Variants in TMEM132D observed in about 807,000 individuals in gnomAD.
TMEM132D encodes the protein transmembrane protein 132D, also known as mature OL transmembrane protein.
Under a neutral mutation model 62.3 loss-of-function variants are expected in TMEM132D, and 21 were observed. The ratio of observed to expected loss-of-function variants is 0.34; its 90% confidence interval spans 0.24 to 0.49. The LOEUF (loss-of-function observed/expected upper bound fraction) is 0.49, where lower values mean the gene tolerates loss of function less well. TMEM132D is among the 20% of genes least tolerant of loss of function. The probability of loss-of-function intolerance (pLI) is 0.99; values close to 1 mark genes in which losing one functional copy is unlikely to be tolerated. For synonymous variants in TMEM132D, 621 were observed against 575.6 expected (o/e 1.08, Z -1.13); for missense variants, 1,346 against 1,402.8 (o/e 0.96, Z 0.65).
chr12:129,718,493 T>G (rs1458114105), intron 1 of TMEM132D, among the ~76,000 whole-genome samples: 1 of 152,256 alleles, frequency 6.6e-6, no homozygotes, highest in African/African-American at 2.4e-5. Flanking sequence ...CTTATTTTAT[T>G]CTTTCTGATG....
chr12:129,873,250 A>G (rs1484013726), intron 1 of TMEM132D, among the ~76,000 whole-genome samples: 1 of 152,130 alleles, frequency 6.6e-6, no homozygotes, highest in East Asian at 1.9e-4. Context: ...ATGCTCTAAG[A>G]TCTGATAGAA....
intron 3 of TMEM132D, among the ~76,000 whole-genome samples, chr12:129,410,349 TTTTG>T (rs59366781): frequency 4.0e-4 from 60 of 150,502 alleles, no homozygotes; most frequent in East Asian, 7.8e-4. Flanking sequence ...GAAAAAAAGG[TTTTG>T]TTTGTTTGTT....
chr12:129,673,909 C>T (rs1880566848), intron 2 of TMEM132D, among the ~76,000 whole-genome samples: 1 of 152,032 alleles, frequency 6.6e-6, no homozygotes, highest in South Asian at 2.1e-4. Context: ...GTGGGTTTTG[C>T]CCCTTTTCCA....
intron 3 of TMEM132D, among the ~76,000 whole-genome samples, chr12:129,405,322 C>T (rs3996443): frequency 0.73 from 110,375 of 151,788 alleles, 40,269 homozygotes; most frequent in East Asian, 0.88. Context: ...AATCTCATCA[C>T]GGGGCTCTAC....
chr12:129,450,721 A>G (rs1192018489), intron 3 of TMEM132D, among the ~76,000 whole-genome samples: 1 of 147,798 alleles, frequency 6.8e-6, no homozygotes, highest in African/African-American at 2.5e-5. Flanking sequence ...CCAGAAGGTC[A>G]TTTCAGCAAC....
chr12:129,215,852 C>A (rs959300633), intron 4 of TMEM132D, among the ~76,000 whole-genome samples: 2 of 152,020 alleles, frequency 1.3e-5, no homozygotes, highest in African/African-American at 2.4e-5. Flanking sequence ...TGGCGTGGGG[C>A]AAAGAGAGAA....
intron 4 of TMEM132D, among the ~76,000 whole-genome samples, chr12:129,272,835 C>T (rs1880891261): frequency 6.6e-6 from 1 of 151,400 alleles, no homozygotes; most frequent in Admixed American, 6.6e-5. Flanking sequence ...CCAAGATGGG[C>T]AGGTCATCTA....
At chr12:129,640,533 G>T (rs977198106) in intron 2 of TMEM132D, among the ~76,000 whole-genome samples, 3 of 152,138 alleles carry the variant, frequency 2.0e-5, no homozygotes, top group Admixed American at 1.3e-4. Context: ...GAGCTATTGG[G>T]GAAAGAACCA....
intron 5 of TMEM132D, among the ~76,000 whole-genome samples, chr12:129,088,326 C>T (rs1275611482): frequency 4.5e-5 from 2 of 44,550 alleles, no homozygotes; most frequent in Admixed American, 4.7e-4. Flanking sequence ...CCTCCCTGAC[C>T]GGGGTGTCCT....
intron 1 of TMEM132D, among the ~76,000 whole-genome samples, chr12:129,879,320 G>A (rs1182344303): frequency 6.6e-6 from 1 of 152,212 alleles, no homozygotes; most frequent in Non-Finnish European, 1.5e-5. Context: ...GAATCTCTGG[G>A]TCTGCTGGCT....
intron 1 of TMEM132D, among the ~76,000 whole-genome samples, chr12:129,829,619 C>A (rs1394304368): frequency 1.3e-5 from 2 of 152,096 alleles, no homozygotes; most frequent in African/African-American, 4.8e-5. Context: ...GTCACCTTAG[C>A]CCCGTGTTTT....
intron 3 of TMEM132D, among the ~76,000 whole-genome samples, chr12:129,418,561 TG>T: frequency 6.6e-6 from 1 of 151,376 alleles, no homozygotes; most frequent in Non-Finnish European, 1.5e-5. Flanking sequence ...GGCCTGTTGG[TG>T]GGTGGGGGAC....
chr12:129,896,142 TTTG>T (rs1320793938), intron 1 of TMEM132D, among the ~76,000 whole-genome samples: 2 of 78,980 alleles, frequency 2.5e-5, no homozygotes, highest in East Asian at 3.8e-4. Context: ...GCTCATTTTT[TTTG>T]TTTTGTTTTG....
chr12:129,435,173 T>C (rs911046123), intron 3 of TMEM132D, among the ~76,000 whole-genome samples: 1 of 152,230 alleles, frequency 6.6e-6, no homozygotes, highest in African/African-American at 2.4e-5. Flanking sequence ...TGGACTAGCA[T>C]TCCATTGTGT....
chr12:129,525,293 G>GA (rs1387790669), intron 3 of TMEM132D, among the ~76,000 whole-genome samples: 1 of 109,118 alleles, frequency 9.2e-6, no homozygotes, highest in Non-Finnish European at 1.7e-5. Context: ...TAGTAGTTCT[G>GA]AAAACAACAT....
chr12:129,664,220 G>A (rs2123076), intron 2 of TMEM132D, among the ~76,000 whole-genome samples: 36,683 of 152,072 alleles, frequency 0.24, 4,856 homozygotes, highest in African/African-American at 0.34. Context: ...GCCCTCCTTG[G>A]AAGGGCAGCC....
At chr12:129,610,148 G>A (rs998634603) in intron 2 of TMEM132D, among the ~76,000 whole-genome samples, 2 of 152,118 alleles carry the variant, frequency 1.3e-5, no homozygotes, top group East Asian at 1.9e-4. Context: ...GTGGGTGCCT[G>A]TAATCCCAGC....
At chr12:129,785,642 C>G (rs1593160765) in intron 1 of TMEM132D, among the ~76,000 whole-genome samples, 1 of 152,144 alleles carries the variant, frequency 6.6e-6, no homozygotes, top group African/African-American at 2.4e-5. Flanking sequence ...GAAACGCAGG[C>G]CAGAAAGACA....
intron 3 of TMEM132D, among the ~76,000 whole-genome samples, chr12:129,484,286 T>C (rs1874516724): frequency 6.6e-6 from 1 of 152,156 alleles, no homozygotes; most frequent in Non-Finnish European, 1.5e-5. Flanking sequence ...CAGTTACTTA[T>C]TTCTAAAATC....
Sources: gnomAD v4.1 joint callset for allele counts (sites outside exome capture counted in the v4.1 genomes callset) on GRCh38, gnomAD v4.1.1 for gene constraint, MANE v1.5 for transcripts, NCBI Gene and HGNC (gene_info 2026-07-23, HGNC 2026-07-21) for gene names.